PIK3C2G: variants seen among roughly 807,000 people sequenced by gnomAD.
The protein encoded by PIK3C2G is phosphatidylinositol-4-phosphate 3-kinase catalytic subunit type 2 gamma.
A neutral mutation model predicts 181.1 loss-of-function variants in PIK3C2G; 168 were observed. That is an observed-to-expected ratio of 0.93 (90% CI 0.82 to 1.05). The LOEUF is 1.05. Among genes scored for constraint, PIK3C2G ranks in the 50% least tolerant of loss-of-function variants. The probability of loss-of-function intolerance (pLI) is 0.00; values close to 1 mark genes in which losing one functional copy is unlikely to be tolerated. For synonymous variants in PIK3C2G, 573 were observed against 592.2 expected, an observed-to-expected ratio of 0.97 and a Z score of 0.47; for missense variants, 1,869 against 1,732.8, an observed-to-expected ratio of 1.08 and a Z score of -1.40.
At chr12:18,374,803 T>A (rs1942320559) in intron 13 of PIK3C2G, among the ~76,000 whole-genome samples, 1 of 152,132 alleles carries the variant, frequency 6.6e-6, no homozygotes, top group Non-Finnish European at 1.5e-5. Context: ...GACTAGGTAA[T>A]CACAAGGTCT....
chr12:18,347,989 C>T (rs1276316579), intron 11 of PIK3C2G, among the ~76,000 whole-genome samples: 2 of 151,642 alleles, frequency 1.3e-5, no homozygotes, highest in Non-Finnish European at 2.9e-5. Flanking sequence ...ATTCTTTTTC[C>T]TTTTATAATT....
upstream of PIK3C2G, among the ~76,000 whole-genome samples, chr12:18,245,375 A>T (rs2136928930): frequency 6.6e-6 from 1 of 152,146 alleles, no homozygotes; most frequent in East Asian, 1.9e-4. Context: ...GTAGTGAAAG[A>T]TTTACTTACA....
chr12:18,430,698 C>T (rs1055100302), intron 18 of PIK3C2G, among the ~76,000 whole-genome samples: 1 of 151,976 alleles, frequency 6.6e-6, no homozygotes, highest in South Asian at 2.1e-4. Context: ...TGATCAGAAA[C>T]GAGGCAATGG....
intron 13 of PIK3C2G, among the ~76,000 whole-genome samples, chr12:18,376,016 C>T (rs1942414339): frequency 6.6e-6 from 1 of 152,244 alleles, no homozygotes; most frequent in Non-Finnish European, 1.5e-5. Context: ...GGGTGCCCAG[C>T]CATAAGCCTG....
the PIK3C2G span, among the ~76,000 whole-genome samples, chr12:18,706,488 A>G: frequency 6.6e-6 from 1 of 152,198 alleles, no homozygotes; most frequent in Non-Finnish European, 1.5e-5. Flanking sequence ...TAGAATTAGA[A>G]ACAAAGATAA....
chr12:18,299,133 T>C (rs993631727), intron 5 of PIK3C2G, among the ~76,000 whole-genome samples: 3 of 151,982 alleles, frequency 2.0e-5, no homozygotes, highest in African/African-American at 7.2e-5. Flanking sequence ...GTAGATTGGG[T>C]AGTATGGTCA....
At position 18,505,329 on chromosome 12, in the gene PIK3C2G, G is replaced by T. The variant is rs373022340; in HGVS notation, c.3191G>T (p.Cys1064Phe). 2 of 1,611,954 alleles carry T rather than the reference G, an allele frequency of 1.2e-6. No individual in the cohort carries two copies. The highest frequency in any genetic ancestry group is 2.2e-5 in the South Asian group (2 of 90,622). Residue 1064 changes from cysteine to phenylalanine, a missense_variant, in exon 24 of 33, where the codon TGT (cysteine) becomes TTT (phenylalanine). By Grantham distance (205) the Cys-to-Phe change is radical (BLOSUM62 -2). Transcript: ENST00000538779. Reference sequence around the variant, plus strand: ...TTTTTCTACTCCTGTGCTGGCTGGTGTGTGGTAACATTCATCCTGGGAGTA... The same window carrying T: ...TTTTTCTACTCCTGTGCTGGCTGGTTTGTGGTAACATTCATCCTGGGAGTA... ...RNFFYSCAGW[C>F]VVTFILGVCD...
intron 24 of PIK3C2G, among the ~76,000 whole-genome samples, chr12:18,531,256 A>G (rs1943538750): frequency 6.6e-6 from 1 of 152,138 alleles, no homozygotes; most frequent in Non-Finnish European, 1.5e-5. Context: ...CAAGGTTTCT[A>G]TCAATATCTA....
chr12:18,503,452 C>T (rs1941635026), intron 23 of PIK3C2G, 35 bp downstream of exon 23: 2 of 1,473,592 alleles, frequency 1.4e-6, no homozygotes, highest in Non-Finnish European at 9.2e-7. Flanking sequence ...AAATAATGTA[C>T]TTAAATAAGA....
intron 1 of PIK3C2G, among the ~76,000 whole-genome samples, chr12:18,252,146 G>A (rs1339613669): frequency 6.6e-6 from 1 of 152,064 alleles, no homozygotes; most frequent in Non-Finnish European, 1.5e-5. Flanking sequence ...TATAGAAAAA[G>A]GTTATTACAA....
At chr12:18,531,329 G>A (rs889942415) in intron 24 of PIK3C2G, among the ~76,000 whole-genome samples, 5 of 151,972 alleles carry the variant, frequency 3.3e-5, no homozygotes, top group African/African-American at 1.2e-4. Context: ...TGAGATAATT[G>A]AAGATTCATA....
At chr12:18,518,651 A>G (rs966721803) in intron 24 of PIK3C2G, among the ~76,000 whole-genome samples, 4 of 151,344 alleles carry the variant, frequency 2.6e-5, no homozygotes, top group African/African-American at 7.3e-5. Context: ...CTAGATAGCT[A>G]TCTATTTTGT....
chr12:18,703,432 G>C, the PIK3C2G span, among the ~76,000 whole-genome samples: 13 of 152,160 alleles, frequency 8.5e-5, no homozygotes, highest in Non-Finnish European at 1.3e-4. Context: ...TTCAGCCCTG[G>C]AAACTTAGTC....
intron 19 of PIK3C2G, among the ~76,000 whole-genome samples, chr12:18,489,668 G>C (rs916694727): frequency 6.6e-6 from 1 of 152,082 alleles, no homozygotes; most frequent in South Asian, 2.1e-4. Context: ...GCAAAAAAAA[G>C]TTCTATGATT....
chr12:18,322,380 T>C (rs1301584402), intron 7 of PIK3C2G, among the ~76,000 whole-genome samples: 2 of 129,530 alleles, frequency 1.5e-5, no homozygotes, highest in Non-Finnish European at 3.1e-5. Context: ...AGACCTCATC[T>C]CAAAAAAAAA....
intron 5 of PIK3C2G, among the ~76,000 whole-genome samples, chr12:18,306,635 T>G (rs1481070713): frequency 6.6e-6 from 1 of 152,066 alleles, no homozygotes; most frequent in East Asian, 1.9e-4. Flanking sequence ...ACATACCAAA[T>G]GTGTGTACAT....
Position 18,290,860 on chromosome 12 carries a change from G to T in PIK3C2G, c.767G>T (p.Arg256Ile). Residue 256 changes from arginine to isoleucine, a missense_variant, in exon 4 of 33, where the codon AGA becomes ATA. Arg to Ile is a moderately conservative substitution (Grantham distance 97, BLOSUM62 -3). Transcript: ENST00000538779. Reference protein sequence around the residue: ...ASFCNKVKKIRERYHAADVNF... With the variant: ...ASFCNKVKKIIERYHAADVNF... ...TCTTAACATATGTTTTTCAGAATCAGAGAAAGATATCATGCAGCTGATGTT... is the reference window on the plus strand; with the variant it reads ...TCTTAACATATGTTTTTCAGAATCATAGAAAGATATCATGCAGCTGATGTT... The T allele has an allele frequency of 2.5e-6, 4 of 1,597,136 alleles. No homozygotes were observed. Among genetic ancestry groups the T allele is most frequent in the East Asian group, 2.2e-5 (1 of 44,664 alleles).
chr12:18,424,806 G>T, intron 18 of PIK3C2G: 1 of 210,344 alleles, frequency 4.8e-6, no homozygotes, highest in East Asian at 1.1e-4. Context: ...GCCCAGGCTG[G>T]GTATATGACT....
chr12:18,722,507 T>G, the PIK3C2G span, among the ~76,000 whole-genome samples: 1 of 152,080 alleles, frequency 6.6e-6, no homozygotes, highest in Non-Finnish European at 1.5e-5. Context: ...ACTAGAACTT[T>G]CATACGCCCC....
Sources: gnomAD v4.1 joint callset for allele counts (sites outside exome capture counted in the v4.1 genomes callset) on GRCh38, gnomAD v4.1.1 for gene constraint, MANE v1.5 for transcripts, NCBI Gene and HGNC (gene_info 2026-07-23, HGNC 2026-07-21) for gene names.